Variants in CBX7 observed in about 807,000 individuals in gnomAD.
CBX7 encodes chromobox 7.
In CBX7, 14 loss-of-function variants were observed where a neutral mutation model predicts 31.4. The ratio of observed to expected loss-of-function variants is 0.45; its 90% CI spans 0.29 to 0.70. CBX7 has a LOEUF of 0.70. CBX7 is among the 30% of genes least tolerant of loss of function. The pLI is 0.11. For synonymous variants in CBX7, 159 were observed against 152.6 expected, an observed-to-expected ratio of 1.04 and a Z score of -0.31; for missense variants, 269 against 351.9, an observed-to-expected ratio of 0.76 and a Z score of 1.89.
In CBX7 at chr22:39,131,607, T is replaced by A. The variant is rs913324986; in HGVS notation, c.*2284A>T. Reference sequence around the variant, plus strand: ...CCAGGTCACACCCCTGGAGTTCAGCTCTCCCTGAGCCACGGAGTTCCCCAT... The same window carrying A: ...CCAGGTCACACCCCTGGAGTTCAGCACTCCCTGAGCCACGGAGTTCCCCAT... On this transcript the variant is annotated 3_prime_UTR_variant, in exon 6 of 6. Transcript: ENST00000216133. The A allele has an allele frequency of 5.9e-5, 9 of 152,086 alleles. No individual in the cohort carries two copies. The highest frequency in any genetic ancestry group is 1.7e-4 in the African/African-American group (7 of 41,366). 9.4% of individuals were successfully genotyped at this position (152,086 alleles called of 1,614,324 possible).
At chr22:39,151,086 C>T (rs1930833414) in intron 1 of CBX7, among the ~76,000 whole-genome samples, 1 of 152,138 alleles carries the variant, frequency 6.6e-6, no homozygotes, top group Admixed American at 6.5e-5. Flanking sequence ...AGTGACTGGC[C>T]GAAGGAATGA....
chr22:39,134,161 G>C, intron 5 of CBX7, 113 bp from the exon 6 acceptor site: 1 of 1,179,564 alleles, frequency 8.5e-7, no homozygotes, highest in East Asian at 2.4e-5. Flanking sequence ...AGTCAGCTCA[G>C]GGCCTCACAC....
chr22:39,141,288 A>T, intron 3 of CBX7, 83 bp downstream of exon 3: 1 of 1,271,364 alleles, frequency 7.9e-7, no homozygotes, highest in Non-Finnish European at 1.1e-6. Context: ...TGCCCCAACA[A>T]CCCCTGCCAA....
intron 2 of CBX7, among the ~76,000 whole-genome samples, chr22:39,146,387 T>G (rs9622963): frequency 0.079 from 12,010 of 152,264 alleles, 590 homozygotes; most frequent in African/African-American, 0.13. Flanking sequence ...TTGTCTTGTC[T>G]CAGGCAATCT....
In CBX7 at chr22:39,149,791, T is replaced by TG. The variant is rs1432229485; in HGVS notation, c.110dup (p.Tyr39ValfsTer32). On this transcript the variant is annotated frameshift_variant, in exon 2 of 6. Coordinates refer to ENST00000216133, the MANE Select transcript of CBX7 (RefSeq NM_175709.5). LOFTEE classifies it high-confidence loss of function. ...CACACACACATGAAGGAGCTTACTT[T>TG]GGGGGCCATCCTTTCCACTTCACCA... The TG allele has an allele frequency of 6.2e-7, 1 of 1,613,786 alleles. No individual in the cohort carries two copies. The highest frequency in any genetic ancestry group is 1.1e-5 in the South Asian group (1 of 91,060).
chr22:39,146,817 T>C (rs1930676834), intron 2 of CBX7, among the ~76,000 whole-genome samples: 1 of 152,164 alleles, frequency 6.6e-6, no homozygotes, highest in African/African-American at 2.4e-5. Context: ...TGGAGAACCA[T>C]TCACAAGTGG....
At chr22:39,143,294 T>TAA (rs35587819) in intron 2 of CBX7, among the ~76,000 whole-genome samples, 2 of 151,050 alleles carry the variant, frequency 1.3e-5, no homozygotes, top group African/African-American at 4.9e-5. Context: ...ATTTTAAAAT[T>TAA]AAAAAAAACT....
rs1930038132 is a variant in CBX7, at chr22:39,131,509, C to G, written c.*2382G>C. ...GTCCTAACGGCCCACAGCCTTTTCC[C>G]CCAGGGAGCTGGCTCACTACAGCCC... is the stretch of plus-strand genomic sequence containing the variant. On this transcript the variant is annotated 3_prime_UTR_variant, in exon 6 of 6. Coordinates refer to ENST00000216133, the MANE Select transcript of CBX7 (RefSeq NM_175709.5). 1.3e-5 allele frequency: 2 copies of G among 152,640 alleles called. No homozygotes were observed. The highest frequency in any genetic ancestry group is 4.1e-4 in the South Asian group (2 of 4,830). The allele number at this position is 152,640 out of a possible 1,614,324, so 9.5% of individuals were successfully genotyped here.
chr22:39,136,883 G>A (rs1489927938), intron 4 of CBX7: 1 of 152,226 alleles, frequency 6.6e-6, no homozygotes, highest in Non-Finnish European at 1.5e-5. Context: ...CTCAATTCAT[G>A]CCAAACCCAA....
chr22:39,149,247 A>C (rs1409971471), intron 2 of CBX7: 1 of 153,346 alleles, frequency 6.5e-6, no homozygotes, highest in Non-Finnish European at 1.5e-5. Flanking sequence ...ACCTAAGGCA[A>C]GCTGCTTACC....
chr22:39,138,654 G>C lies in CBX7; in HGVS notation c.228C>G (p.Pro76=). The C allele has an allele frequency of 6.2e-7, 1 of 1,614,188 alleles. No individual in the cohort carries two copies. Residue 76 remains proline (P), a synonymous_variant, in exon 4 of 6, where the codon CCC becomes CCG. Coordinates refer to ENST00000216133, the MANE Select transcript of CBX7 (RefSeq NM_175709.5). ...ASGYRKRGPK[P]KRLLLQRLYS... is the part of the protein sequence containing the mutation. ...TGGTTACCTGCAGCAGAAGCCGCTT[G>C]GGTTTCGGACCTCTCTTCCTATACC...
intron 3 of CBX7, chr22:39,140,994 G>A (rs950788486): frequency 3.6e-5 from 8 of 223,016 alleles, no homozygotes; most frequent in African/African-American, 7.1e-5. Context: ...TGGCAGTGCC[G>A]CCTCCTAGCA....
At position 39,144,553 on chromosome 22, in the gene CBX7, C is replaced by T. The variant is rs1316904896; in HGVS notation, c.114-3117G>A. Among the ~76,000 whole-genome samples the T allele has an allele frequency of 2.0e-5, 3 of 152,258 alleles. No individual in the cohort carries two copies. In the South Asian group the frequency reaches 6.2e-4, roughly 31 times the overall value. On this transcript the variant is annotated intron_variant, in intron 2 of 5. Coordinates refer to ENST00000216133, the MANE Select transcript of CBX7 (RefSeq NM_175709.5). ...TCTGGGAAGGGCTGGGGAGCCCCTG[C>T]AGAATGCCGAAAGCGAAACTACAGC...
intron 2 of CBX7, among the ~76,000 whole-genome samples, chr22:39,145,661 C>T (rs757957867): frequency 2.0e-4 from 30 of 150,666 alleles, no homozygotes; most frequent in Non-Finnish European, 3.7e-4. Flanking sequence ...CCCGCCCCCG[C>T]CGGCCGCGCG....
Position 39,134,529 on chromosome 22 carries a change from G to T in CBX7, c.470C>A (p.Pro157Gln). The T allele has an allele frequency of 1.2e-6, 2 of 1,611,806 alleles. No individual in the cohort carries two copies. The highest frequency in any genetic ancestry group is 1.7e-6 in the Non-Finnish European group (2 of 1,179,506). ...KYLRLSRKKF[P>Q]PRGPNLESHS... ...GCTCTCCAGGTTGGGCCCGCGGGGC[G>T]GGAACTTCTTGCGCGAGAGCCGCAG... Residue 157 changes from proline (P) to glutamine (Q), a missense_variant, in exon 5 of 6, where the codon CCG (proline) becomes CAG (glutamine). Physicochemically the swap from Pro to Gln is moderately conservative, Grantham distance 76. Around this residue, in one of 2 missense-constraint regions of CBX7, gnomAD observed 222 missense variants for 240.4 expected, o/e 0.92. Transcript: ENST00000216133.
At chr22:39,137,914 G>A (rs1453387221) in intron 4 of CBX7, among the ~76,000 whole-genome samples, 1 of 152,036 alleles carries the variant, frequency 6.6e-6, no homozygotes, top group Non-Finnish European at 1.5e-5. Context: ...GGGCGCGGTG[G>A]CTCACGCCTG....
At position 39,152,513 on chromosome 22, in the gene CBX7, G is replaced by A. The variant is rs1204897063; in HGVS notation, c.-69C>T. 7.2e-6 allele frequency: 5 copies of A among 698,052 alleles called. No individual in the cohort carries two copies. Among genetic ancestry groups the A allele is most frequent in the Admixed American group, 6.4e-5 (1 of 15,690 alleles). 43.2% of individuals were successfully genotyped at this position (698,052 alleles called of 1,614,324 possible). ...GGCGGAGCTGCGGGGCCGCGGCTGC[G>A]GCGCGCGATGCTGGGGCTGGCGGGG... On this transcript the variant is annotated 5_prime_UTR_variant, in exon 1 of 6. Transcript: ENST00000216133. The surrounding 1 kb of genome is among the most constrained non-coding windows in gnomAD (Gnocchi z 4.9).
chr22:39,141,923 A>G (rs1930472007), intron 2 of CBX7, among the ~76,000 whole-genome samples: 1 of 152,134 alleles, frequency 6.6e-6, no homozygotes, highest in South Asian at 2.1e-4. Context: ...CAGCAACACC[A>G]GAGTTGTCCT....
In CBX7 at chr22:39,152,370, C is replaced by T; in HGVS notation, c.69+6G>A. 2 of 1,395,114 alleles carry T rather than the reference C, an allele frequency of 1.4e-6. No homozygotes were observed. The highest frequency in any genetic ancestry group is 1.9e-6 in the Non-Finnish European group (2 of 1,067,236). 86.4% of individuals were successfully genotyped at this position (1,395,114 alleles called of 1,614,324 possible). A position where few individuals can be genotyped will look rare whatever the true frequency, so the allele number is the denominator to read the frequency against. ...GGTCCTGGGAGCCGCCCCCGGGCAG[C>T]CTCACCTTCCGCACGCGCTTCTTCC... On this transcript the variant is annotated splice_donor_region_variant and intron_variant, in intron 1 of 5. Coordinates refer to ENST00000216133, the MANE Select transcript of CBX7 (RefSeq NM_175709.5). The surrounding 1 kb of genome is among the most constrained non-coding windows in gnomAD (Gnocchi z 4.9).
Sources: gnomAD v4.1 joint callset for allele counts (sites outside exome capture counted in the v4.1 genomes callset) on GRCh38, gnomAD v4.1.1 for gene constraint, gnomAD v4.1.1 regional missense constraint, Gnocchi (gnomAD v3.1) non-coding constraint, MANE v1.5 for transcripts, NCBI Gene and HGNC (gene_info 2026-07-23, HGNC 2026-07-21) for gene names.